The following HIVEP3 variants were observed in gnomAD, a reference collection of about 807,000 sequenced individuals.
HIVEP3 encodes transcription factor HIVEP3.
A neutral mutation model predicts 152.8 loss-of-function variants in HIVEP3; 49 were observed. The observed-to-expected ratio is 0.32, with a 90% CI of 0.26 to 0.41. HIVEP3 has a LOEUF of 0.41. Ranked by LOEUF, HIVEP3 falls within the 10% of genes least tolerant of loss-of-function variation. The pLI, the probability that HIVEP3 is intolerant of heterozygous loss-of-function variation, is 1.00. For synonymous variants in HIVEP3, 1,269 were observed against 1,289.0 expected (o/e 0.98, Z 0.33); for missense variants, 2,790 against 3,103.3 (o/e 0.90, Z 2.40).
At chr1:41,544,689 A>G (rs1170898324) in intron 5 of HIVEP3, among the ~76,000 whole-genome samples, 21 of 87,338 alleles carry the variant, frequency 2.4e-4, no homozygotes, top group African/African-American at 9.4e-4. Context: ...CTCTACCACC[A>G]CTGCTACCAT....
chr1:41,959,910 G>A (rs754724000), intron 1 of HIVEP3, among the ~76,000 whole-genome samples: 1 of 152,110 alleles, frequency 6.6e-6, no homozygotes, highest in Non-Finnish European at 1.5e-5. Flanking sequence ...TGTCTTACTG[G>A]CAAGGGGGTA....
intron 1 of HIVEP3, among the ~76,000 whole-genome samples, chr1:41,951,125 CA>C (rs1293097238): frequency 6.6e-6 from 1 of 152,146 alleles, no homozygotes; most frequent in Admixed American, 6.5e-5. Flanking sequence ...TGGTGAGACA[CA>C]TTAAAGTCTT....
intron 1 of HIVEP3, among the ~76,000 whole-genome samples, chr1:41,724,364 G>A (rs1427015339): frequency 1.3e-5 from 2 of 152,216 alleles, no homozygotes; most frequent in African/African-American, 4.8e-5. Flanking sequence ...AAAAGGGCTG[G>A]CCTTCATATG....
chr1:42,009,530 G>A (rs1447519660), intron 1 of HIVEP3, among the ~76,000 whole-genome samples: 1 of 152,164 alleles, frequency 6.6e-6, no homozygotes, highest in African/African-American at 2.4e-5. Flanking sequence ...ACTTTTGGAT[G>A]TCCCTTAGCA....
At chr1:41,743,312 C>T (rs1237733346) in intron 1 of HIVEP3, among the ~76,000 whole-genome samples, 1 of 152,314 alleles carries the variant, frequency 6.6e-6, no homozygotes, top group South Asian at 2.1e-4. Context: ...CACCCACCAA[C>T]TGTGAGCTTG....
chr1:41,572,233 G>A (rs2149097419), intron 5 of HIVEP3, among the ~76,000 whole-genome samples: 1 of 152,326 alleles, frequency 6.6e-6, no homozygotes, highest in African/African-American at 2.4e-5. Context: ...GTCCTGGCTG[G>A]AGACCCAGAT....
chr1:41,638,282 G>GAAAGAGGA (rs759889312), intron 2 of HIVEP3, among the ~76,000 whole-genome samples: 4 of 146,646 alleles, frequency 2.7e-5, no homozygotes, highest in Non-Finnish European at 6.0e-5. Flanking sequence ...AAGAAAGAAA[G>GAAAGAGGA]AGGAAGGAAG....
At chr1:41,828,114 G>A (rs909337343) in intron 1 of HIVEP3, among the ~76,000 whole-genome samples, 2 of 152,112 alleles carry the variant, frequency 1.3e-5, no homozygotes, top group Admixed American at 6.5e-5. Context: ...GGATGATGCC[G>A]GGCTTCCCCT....
chr1:41,794,546 G>A (rs1413910448), intron 1 of HIVEP3, among the ~76,000 whole-genome samples: 3 of 152,022 alleles, frequency 2.0e-5, no homozygotes, highest in African/African-American at 7.2e-5. Flanking sequence ...TCTTAACAGT[G>A]GTTGTTTACC....
In HIVEP3 at chr1:42,003,525, A is replaced by G. The variant is rs921921165; in HGVS notation, n.119+32282T>C. Among the ~76,000 whole-genome samples the G allele has an allele frequency of 7.9e-5, 12 of 152,312 alleles. No individual in the cohort carries two copies. In the East Asian group the frequency reaches 2.3e-3, roughly 30 times the overall value. On this transcript the variant is annotated intron_variant and non_coding_transcript_variant, in intron 1 of 3. Coordinates refer to the HIVEP3 transcript ENST00000489103. ...TCCGTGCACATCGAAGTCGACTGAC[A>G]GAGCCAGAAGGGAGAACAGTGGCGA...
chr1:41,650,290 G>A (rs1228382729), intron 2 of HIVEP3, among the ~76,000 whole-genome samples: 1 of 152,166 alleles, frequency 6.6e-6, no homozygotes, highest in Non-Finnish European at 1.5e-5. Flanking sequence ...ACAGAGCAGT[G>A]GCATGTGTTG....
intron 1 of HIVEP3, among the ~76,000 whole-genome samples, chr1:41,817,747 C>A (rs921480877): frequency 1.3e-5 from 2 of 152,220 alleles, no homozygotes; most frequent in African/African-American, 2.4e-5. Context: ...CAAATCCTCA[C>A]CCTTTAGGCA....
chr1:41,733,175 G>A (rs1176767904), intron 1 of HIVEP3, among the ~76,000 whole-genome samples: 1 of 152,102 alleles, frequency 6.6e-6, no homozygotes, highest in East Asian at 1.9e-4. Flanking sequence ...CTTCCCGGCT[G>A]CACTGGGCAA....
At chr1:41,751,111 G>A (rs4660566) in intron 1 of HIVEP3, among the ~76,000 whole-genome samples, 127,905 of 151,848 alleles carry the variant, frequency 0.84, 57,330 homozygotes, top group Non-Finnish European at 1. Context: ...TGCAATGACC[G>A]GCCAAGTCCC....
intron 5 of HIVEP3, among the ~76,000 whole-genome samples, chr1:41,546,713 C>G (rs968497851): frequency 2.0e-5 from 3 of 152,212 alleles, no homozygotes; most frequent in African/African-American, 7.2e-5. Context: ...CAGATGACCA[C>G]TCACTCCTTA....
In HIVEP3 at chr1:41,629,087, C is replaced by T. The variant is rs148626544; in HGVS notation, c.-720-140G>A. 1,165 of 424,250 alleles carry T rather than the reference C, an allele frequency of 2.7e-3. 1 individual carries two copies. Among genetic ancestry groups the T allele is most frequent in the Middle Eastern group, 9.3e-3 (14 of 1,500 alleles). 26.3% of individuals were successfully genotyped at this position (424,250 alleles called of 1,614,324 possible). On this transcript the variant is annotated intron_variant, in intron 2 of 8. Transcript: ENST00000372583. ...GCTTTACTTGGTACAGGGCCTGATC[C>T]CCACATCCCCCTACTTTGCATCCAA...
At chr1:41,892,786 T>G (rs978552362) in intron 1 of HIVEP3, among the ~76,000 whole-genome samples, 2 of 152,032 alleles carry the variant, frequency 1.3e-5, no homozygotes, top group Non-Finnish European at 2.9e-5. Context: ...CCTTATAGTC[T>G]GAACGTGCCC....
intron 1 of HIVEP3, among the ~76,000 whole-genome samples, chr1:41,746,370 G>T (rs1349955949): frequency 6.6e-6 from 1 of 152,222 alleles, no homozygotes; most frequent in Non-Finnish European, 1.5e-5. Flanking sequence ...AATGGGACTG[G>T]CTGTGAAGTC....
chr1:41,843,554 C>T (rs1478081325), intron 1 of HIVEP3, among the ~76,000 whole-genome samples: 1 of 150,814 alleles, frequency 6.6e-6, no homozygotes, highest in African/African-American at 2.4e-5. Context: ...TGTTTCACAG[C>T]AGCTAGGAGT....
Sources: allele counts gnomAD v4.1 joint callset (sites outside exome capture counted in the v4.1 genomes callset), GRCh38; gene constraint gnomAD v4.1.1; transcripts MANE v1.5; gene names NCBI Gene and HGNC (gene_info 2026-07-23, HGNC 2026-07-21).